KATNAL2: variants seen among roughly 807,000 people sequenced by gnomAD.
KATNAL2 encodes the protein katanin p60 ATPase-containing subunit A-like 2.
KATNAL2 carries 52 observed loss-of-function variants against 76.3 expected under a neutral mutation model. That is an observed-to-expected ratio of 0.68 (90% confidence interval 0.55 to 0.86). The LOEUF is 0.86. KATNAL2 is among the 40% of genes least tolerant of loss of function. KATNAL2 has a pLI of 0.00. For missense variants in KATNAL2, 660 were observed against 668.9 expected, an observed-to-expected ratio of 0.99 and a Z score of 0.15; for synonymous variants, 243 against 244.2, an observed-to-expected ratio of 1.00 and a Z score of 0.05.
chr18:47,096,105 C>T (rs753508263), intron 15 of KATNAL2, among the ~76,000 whole-genome samples: 19 of 152,208 alleles, frequency 1.2e-4, no homozygotes, highest in Non-Finnish European at 2.8e-4. Context: ...ATTCTCAGCT[C>T]AGGGTTAGAC....
intron 13 of KATNAL2, among the ~76,000 whole-genome samples, chr18:47,072,226 G>A (rs2147216051): frequency 6.6e-6 from 1 of 151,688 alleles, no homozygotes; most frequent in South Asian, 2.1e-4. Flanking sequence ...AAAGGGCTGG[G>A]ATTACAGGCA....
At chr18:47,046,607 C>T (rs1455062597) in intron 4 of KATNAL2, 80 bp downstream of exon 4, 19 of 1,001,308 alleles carry the variant, frequency 1.9e-5, no homozygotes, top group Non-Finnish European at 2.8e-5. Context: ...CTTTTAAATA[C>T]AATAGACTTT....
At chr18:47,042,206 T>G (rs2060988351) in intron 3 of KATNAL2, among the ~76,000 whole-genome samples, 1 of 152,230 alleles carries the variant, frequency 6.6e-6, no homozygotes, top group African/African-American at 2.4e-5. Context: ...TTTAAATCTC[T>G]TTTTCTTTTG....
intron 1 of KATNAL2, among the ~76,000 whole-genome samples, chr18:46,937,619 TATC>T (rs1374767309): frequency 3.9e-5 from 6 of 152,274 alleles, no homozygotes; most frequent in Admixed American, 6.5e-5. Context: ...ACACAAATTT[TATC>T]ATTTCTGAGT....
chr18:47,043,740 A>G (rs895324324), intron 3 of KATNAL2, among the ~76,000 whole-genome samples: 1 of 152,072 alleles, frequency 6.6e-6, no homozygotes, highest in African/African-American at 2.4e-5. Context: ...GGGAAGTGAT[A>G]TGAGATGTGT....
At chr18:46,928,688 G>A (rs2058809137) in intron 1 of KATNAL2, among the ~76,000 whole-genome samples, 2 of 151,782 alleles carry the variant, frequency 1.3e-5, no homozygotes, top group African/African-American at 4.8e-5. Flanking sequence ...TTCCTATTTG[G>A]CCATCTTGGC....
At chr18:47,091,296 A>G (rs1459033037) in intron 15 of KATNAL2, 1 of 152,266 alleles carries the variant, frequency 6.6e-6, no homozygotes, top group East Asian at 1.9e-4. Context: ...CCAGTGGACC[A>G]AACTCTGAGG....
chr18:47,046,478 C>A lies in KATNAL2; in HGVS notation c.73C>A (p.Arg25=), dbSNP rs932705286. The change falls in exon 4 of 18, where the codon CGA becomes AGA. Residue 25 remains arginine (R), a synonymous_variant. Transcript: ENST00000683218. ...CCAGTGCGAGATGAGGACAGAAGCA[C>A]GACGAAAAAATCTTCTCATTTTGAT... ...REACEMRTEA[R]RKNLLILISH... is the part of the protein sequence containing the mutation. 6.5e-7 allele frequency: 1 copy of A among 1,535,856 alleles called. No individual in the cohort carries two copies. The highest frequency in any genetic ancestry group is 8.7e-7 in the Non-Finnish European group (1 of 1,146,748).
intron 15 of KATNAL2, among the ~76,000 whole-genome samples, chr18:47,078,705 A>G (rs1181348848): frequency 6.6e-6 from 1 of 152,198 alleles, no homozygotes; most frequent in Non-Finnish European, 1.5e-5. Context: ...TTTCTGGAAG[A>G]ATAGAGGACC....
chr18:47,100,178 G>C, intron 16 of KATNAL2, 76 bp from the exon 17 acceptor site: 1 of 954,166 alleles, frequency 1.0e-6, no homozygotes, highest in East Asian at 2.4e-5. Context: ...TTCTGATACT[G>C]GGTCCTGCCT....
At position 47,101,417 on chromosome 18, in the gene KATNAL2, C is replaced by T. The variant is rs536756880; in HGVS notation, c.*412C>T. 3.5e-4 allele frequency: 65 copies of T among 187,616 alleles called. No homozygotes were observed. Among genetic ancestry groups the T allele is most frequent in the Middle Eastern group, 5.4e-3 (2 of 370 alleles). The allele number at this position is 187,616 out of a possible 1,614,324, so 11.6% of individuals were successfully genotyped here. The stretch of plus-strand genomic sequence containing the variant: ...AAGTAGAAGCTAAGCTTGACAGGCA[C>T]TGCCCAGCTGACAGTCCCAGGGTGA... On this transcript the variant is annotated 3_prime_UTR_variant, in exon 18 of 18. Coordinates refer to ENST00000683218, the MANE Select transcript of KATNAL2 (RefSeq NM_001387690.1).
chr18:46,958,220 T>A (rs1255554899), intron 3 of KATNAL2, among the ~76,000 whole-genome samples: 1 of 152,096 alleles, frequency 6.6e-6, no homozygotes, highest in Non-Finnish European at 1.5e-5. Flanking sequence ...CACCATCTAC[T>A]CTCCTGGTTC....
intron 15 of KATNAL2, among the ~76,000 whole-genome samples, chr18:47,097,337 C>T (rs571009448): frequency 1.3e-5 from 2 of 152,212 alleles, no homozygotes; most frequent in East Asian, 3.9e-4. Context: ...TTCTTTACAA[C>T]GGAGAGTTCC....
At chr18:46,958,469 G>GT (rs1401852788) in intron 3 of KATNAL2, among the ~76,000 whole-genome samples, 2 of 151,972 alleles carry the variant, frequency 1.3e-5, no homozygotes, top group Non-Finnish European at 2.9e-5. Context: ...ACATACACAT[G>GT]TGCATGCGTG....
At chr18:46,936,149 A>T (rs2059084300) in intron 1 of KATNAL2, among the ~76,000 whole-genome samples, 1 of 152,194 alleles carries the variant, frequency 6.6e-6, no homozygotes. Context: ...TACCTATCTC[A>T]GTAACTGAGC....
intron 1 of KATNAL2, among the ~76,000 whole-genome samples, chr18:46,944,836 A>C (rs2059341384): frequency 6.6e-6 from 1 of 152,224 alleles, no homozygotes; most frequent in Non-Finnish European, 1.5e-5. Context: ...ACTGAGGCAG[A>C]GAATTGCTTG....
intron 3 of KATNAL2, among the ~76,000 whole-genome samples, chr18:46,948,919 T>TGTGTGTG (rs2059466582): frequency 1.1e-4 from 17 of 151,420 alleles, no homozygotes; most frequent in South Asian, 6.3e-4. Flanking sequence ...TGTGTGTGTG[T>TGTGTGTG]TTGAGACAGG....
At chr18:46,961,230 A>C (rs916227859) in intron 3 of KATNAL2, among the ~76,000 whole-genome samples, 1 of 151,334 alleles carries the variant, frequency 6.6e-6, no homozygotes, top group Non-Finnish European at 1.5e-5. Flanking sequence ...GTTTCCTTTT[A>C]ACTTTTCGCT....
rs187583064 is a variant in KATNAL2, at chr18:47,035,685, C to T, written c.52-10772C>T. 56 of 291,396 alleles carry T rather than the reference C, an allele frequency of 1.9e-4. No homozygotes were observed. The Admixed American group carries it at 2.3e-3, about 12-fold the overall frequency. The allele number at this position is 291,396 out of a possible 1,614,324, so 18.1% of individuals were successfully genotyped here. A position where few individuals can be genotyped will look rare whatever the true frequency, so the allele number is the denominator to read the frequency against. On this transcript the variant is annotated intron_variant, in intron 3 of 17. Transcript: ENST00000683218. ...GTCAGCACAATGCAGACAATCGGGA[C>T]GGTCCACGCCAGGTGGACTGCTGTG...
Sources: allele counts gnomAD v4.1 joint callset (sites outside exome capture counted in the v4.1 genomes callset), GRCh38; gene constraint gnomAD v4.1.1; transcripts MANE v1.5; gene names NCBI Gene and HGNC (gene_info 2026-07-23, HGNC 2026-07-21).